EYA1: variants seen among roughly 807,000 people sequenced by gnomAD.
The protein encoded by EYA1 is EYA transcriptional coactivator and phosphatase 1, also known as protein phosphatase EYA1.
EYA1 carries 16 observed loss-of-function variants against 82.0 expected under a neutral mutation model. The ratio of observed to expected loss-of-function variants is 0.20; its 90% CI spans 0.13 to 0.30. The LOEUF (loss-of-function observed/expected upper bound fraction) is 0.30, where lower values mean the gene tolerates loss of function less well. Ranked by LOEUF, EYA1 falls within the 10% of genes least tolerant of loss-of-function variation. The probability of loss-of-function intolerance (pLI) is 1.00; values close to 1 mark genes in which losing one functional copy is unlikely to be tolerated. For missense variants in EYA1, 633 were observed against 730.7 expected (o/e 0.87, Z 1.54); for synonymous variants, 261 against 264.4 (o/e 0.99, Z 0.12).
At chr8:71,516,200 A>G (rs1812966282) in intron 2 of EYA1, among the ~76,000 whole-genome samples, 1 of 152,158 alleles carries the variant, frequency 6.6e-6, no homozygotes, top group South Asian at 2.1e-4. Context: ...TCATTTATTC[A>G]TTCATTCAAG....
chr8:71,329,111 C>G (rs551320396), intron 4 of EYA1, among the ~76,000 whole-genome samples: 1 of 152,074 alleles, frequency 6.6e-6, no homozygotes, highest in African/African-American at 2.4e-5. Context: ...ACTACAGAGG[C>G]ATGTGGTGAA....
upstream of EYA1, chr8:71,362,088 A>C (rs1827443993): frequency 1.0e-6 from 1 of 982,720 alleles, no homozygotes; most frequent in Non-Finnish European, 1.2e-6. Flanking sequence ...ACAAAGAAAC[A>C]GCAGAATCTC....
intron 7 of EYA1, among the ~76,000 whole-genome samples, chr8:71,303,315 T>C (rs12549065): frequency 0.26 from 34,535 of 131,864 alleles, 8,282 homozygotes; most frequent in East Asian, 0.69. Context: ...ACATTTGATA[T>C]ACACACACAC....
intron 2 of EYA1, among the ~76,000 whole-genome samples, chr8:71,414,224 C>T (rs1181668359): frequency 6.6e-6 from 1 of 152,118 alleles, no homozygotes; most frequent in Non-Finnish European, 1.5e-5. Flanking sequence ...TCAGCCAAGG[C>T]AATTCCTAAG....
chr8:71,398,067 C>A (rs184536062), intron 2 of EYA1, among the ~76,000 whole-genome samples: 1 of 152,128 alleles, frequency 6.6e-6, no homozygotes, highest in East Asian at 1.9e-4. Context: ...ACCCTGTCTT[C>A]CACTTGATCA....
intron 1 of EYA1, among the ~76,000 whole-genome samples, chr8:71,545,606 G>T (rs773672524): frequency 5.7e-5 from 8 of 139,308 alleles, no homozygotes; most frequent in Non-Finnish European, 1.2e-4. Flanking sequence ...CTGTCGCCCA[G>T]GCTGGAGTGC....
At chr8:71,390,113 C>T (rs1335146955) in intron 2 of EYA1, among the ~76,000 whole-genome samples, 1 of 151,956 alleles carries the variant, frequency 6.6e-6, no homozygotes, top group Non-Finnish European at 1.5e-5. Flanking sequence ...TCCTTATATT[C>T]CTGAATATTC....
intron 17 of EYA1, among the ~76,000 whole-genome samples, chr8:71,207,883 G>GTT (rs1563615266): frequency 6.6e-6 from 1 of 151,926 alleles, no homozygotes; most frequent in Non-Finnish European, 1.5e-5. Context: ...TAATAGAATA[G>GTT]TTTTGTACAC....
chr8:71,527,023 T>C (rs963311657), intron 2 of EYA1, among the ~76,000 whole-genome samples: 1 of 152,198 alleles, frequency 6.6e-6, no homozygotes, highest in Non-Finnish European at 1.5e-5. Context: ...ATACTATACA[T>C]AAATAAAATT....
chr8:71,219,586 A>G (rs1241212716), intron 12 of EYA1, among the ~76,000 whole-genome samples: 1 of 152,236 alleles, frequency 6.6e-6, no homozygotes, highest in African/African-American at 2.4e-5. Context: ...ACTTACAAAT[A>G]ATGACATAAA....
At chr8:71,285,993 G>T (rs563028899) in intron 9 of EYA1, among the ~76,000 whole-genome samples, 10 of 152,308 alleles carry the variant, frequency 6.6e-5, no homozygotes, top group African/African-American at 2.4e-4. Context: ...TACCTTAGAA[G>T]AAGAATGTGG....
intron 12 of EYA1, among the ~76,000 whole-genome samples, chr8:71,225,810 T>C (rs538672914): frequency 1.3e-5 from 2 of 152,324 alleles, no homozygotes; most frequent in South Asian, 4.1e-4. Context: ...ACATATGGCA[T>C]TTACAAACAA....
At chr8:71,228,404 C>G (rs1810808240) in intron 12 of EYA1, among the ~76,000 whole-genome samples, 1 of 151,530 alleles carries the variant, frequency 6.6e-6, no homozygotes, top group Non-Finnish European at 1.5e-5. Context: ...TGCCTGCCCC[C>G]AAATCATTGG....
intron 2 of EYA1, among the ~76,000 whole-genome samples, chr8:71,532,774 T>C (rs1814394210): frequency 6.6e-6 from 1 of 151,956 alleles, no homozygotes; most frequent in Non-Finnish European, 1.5e-5. Flanking sequence ...GGCTACAGAG[T>C]GTAAGAAAGA....
intron 11 of EYA1, among the ~76,000 whole-genome samples, chr8:71,266,375 T>C (rs1815814506): frequency 6.6e-6 from 1 of 152,074 alleles, no homozygotes; most frequent in African/African-American, 2.4e-5. Context: ...TATTATTGTT[T>C]GGAAGAATCC....
At chr8:71,516,259 T>C (rs1812971006) in intron 2 of EYA1, among the ~76,000 whole-genome samples, 1 of 152,168 alleles carries the variant, frequency 6.6e-6, no homozygotes, top group African/African-American at 2.4e-5. Context: ...GATAGGCTAG[T>C]GATTAAGAAA....
At chr8:71,213,185 G>A (rs1808748185) in intron 16 of EYA1, among the ~76,000 whole-genome samples, 1 of 151,408 alleles carries the variant, frequency 6.6e-6, no homozygotes, top group Admixed American at 6.6e-5. Context: ...AAAAAATAAA[G>A]CTTAATATTT....
intron 9 of EYA1, among the ~76,000 whole-genome samples, chr8:71,284,142 G>A (rs1019946591): frequency 6.6e-6 from 1 of 152,184 alleles, no homozygotes; most frequent in Admixed American, 6.5e-5. Context: ...CCTCTGATGG[G>A]TACCTGCCTG....
intron 3 of EYA1, among the ~76,000 whole-genome samples, chr8:71,340,016 A>T (rs1824940379): frequency 6.6e-6 from 1 of 152,170 alleles, no homozygotes; most frequent in East Asian, 1.9e-4. Flanking sequence ...CTAATTTCAC[A>T]GCCACTATCC....
Sources: gnomAD v4.1 joint callset for allele counts (sites outside exome capture counted in the v4.1 genomes callset) on GRCh38, gnomAD v4.1.1 for gene constraint, MANE v1.5 for transcripts, NCBI Gene and HGNC (gene_info 2026-07-23, HGNC 2026-07-21) for gene names.